The following LRBA variants were observed in gnomAD, a reference collection of about 807,000 sequenced individuals.
LRBA encodes the protein LPS responsive beige-like anchor protein.
In LRBA, 176 loss-of-function variants were observed where a neutral mutation model predicts 330.0. The ratio of observed to expected loss-of-function variants is 0.53; its 90% CI spans 0.47 to 0.60. The LOEUF is 0.60. LRBA is among the 20% of genes least tolerant of loss of function. The pLI is 0.00. For missense variants in LRBA, 3,259 were observed against 3,444.8 expected, an observed-to-expected ratio of 0.95 and a Z score of 1.35; for synonymous variants, 1,230 against 1,193.0, an observed-to-expected ratio of 1.03 and a Z score of -0.64.
intron 37 of LRBA, among the ~76,000 whole-genome samples, chr4:150,650,948 G>A (rs998051504): frequency 2.0e-5 from 3 of 152,250 alleles, no homozygotes; most frequent in African/African-American, 7.2e-5. Flanking sequence ...TCCTCATGAG[G>A]TAAAGTTATG....
intron 2 of LRBA, among the ~76,000 whole-genome samples, chr4:150,935,365 G>A (rs1734984577): frequency 6.6e-6 from 1 of 151,816 alleles, no homozygotes. Context: ...ATATCTAACA[G>A]AAAATACAAG....
chr4:150,443,834 C>T (rs1462624662), intron 44 of LRBA, among the ~76,000 whole-genome samples: 1 of 92,170 alleles, frequency 1.1e-5, no homozygotes, highest in Non-Finnish European at 2.4e-5. Flanking sequence ...TATCCTAGAA[C>T]TTAAAGTATA....
intron 2 of LRBA, among the ~76,000 whole-genome samples, chr4:151,009,803 AC>A: frequency 6.6e-6 from 1 of 151,410 alleles, no homozygotes; most frequent in Non-Finnish European, 1.5e-5. Flanking sequence ...ACACGGTTAA[AC>A]CCTGTCTCTA....
At chr4:150,475,576 T>C in intron 42 of LRBA, among the ~76,000 whole-genome samples, 1 of 152,112 alleles carries the variant, frequency 6.6e-6, no homozygotes, top group East Asian at 1.9e-4. Context: ...AAGTTGTTCA[T>C]GATATTCCTT....
chr4:150,396,636 T>G (rs1744775324), intron 47 of LRBA, among the ~76,000 whole-genome samples: 2 of 152,190 alleles, frequency 1.3e-5, no homozygotes, highest in South Asian at 4.1e-4. Flanking sequence ...TTTCAATCAC[T>G]CTAGAGAATC....
intron 37 of LRBA, among the ~76,000 whole-genome samples, chr4:150,618,891 T>C (rs911350287): frequency 1.3e-5 from 2 of 151,194 alleles, no homozygotes; most frequent in Non-Finnish European, 3.0e-5. Context: ...CACACACATA[T>C]ATATATCCTA....
intron 37 of LRBA, among the ~76,000 whole-genome samples, chr4:150,649,929 A>C (rs1278083096): frequency 2.6e-5 from 4 of 152,170 alleles, no homozygotes; most frequent in Non-Finnish European, 2.9e-5. Flanking sequence ...CTCCAAGAAT[A>C]AAAAATATTT....
chr4:150,922,307 C>T (rs1270434301), intron 4 of LRBA, among the ~76,000 whole-genome samples: 1 of 151,486 alleles, frequency 6.6e-6, no homozygotes, highest in Non-Finnish European at 1.5e-5. Context: ...CTTGCACATG[C>T]ATGTTTATAG....
intron 50 of LRBA, among the ~76,000 whole-genome samples, chr4:150,315,866 T>C (rs932021410): frequency 2.0e-5 from 3 of 152,184 alleles, no homozygotes; most frequent in African/African-American, 7.2e-5. Context: ...CCATAAGCTA[T>C]AGCAGATGCT....
At chr4:151,014,121 A>C in intron 2 of LRBA, 1 of 235,850 alleles carries the variant, frequency 4.2e-6, no homozygotes, top group Non-Finnish European at 8.2e-6. Context: ...ATACAAGCCA[A>C]GAAAAAAAAA....
intron 46 of LRBA, among the ~76,000 whole-genome samples, chr4:150,416,048 G>C (rs1429550729): frequency 6.6e-6 from 1 of 152,086 alleles, no homozygotes; most frequent in South Asian, 2.1e-4. Flanking sequence ...ATTTATTACA[G>C]TTTAGCCATG....
intron 36 of LRBA, among the ~76,000 whole-genome samples, chr4:150,733,711 G>T (rs1730810362): frequency 1.3e-5 from 2 of 151,926 alleles, no homozygotes; most frequent in South Asian, 4.2e-4. Context: ...TTTTCTTGCA[G>T]AATTTGGCCC....
At chr4:150,932,728 C>A (rs1734648399) in intron 2 of LRBA, among the ~76,000 whole-genome samples, 1 of 151,896 alleles carries the variant, frequency 6.6e-6, no homozygotes. Context: ...TGAGCCAAGG[C>A]AACATAGCAA....
At chr4:150,639,811 GTGTGTGTGTATA>G (rs1187166498) in intron 37 of LRBA, among the ~76,000 whole-genome samples, 268 of 13,818 alleles carry the variant, frequency 0.019, 45 homozygotes, top group African/African-American at 0.085. Context: ...ATATATGTGT[GTGTGTGTGTATA>G]TATATATATA....
chr4:150,734,233 A>G (rs1454448951), intron 36 of LRBA, among the ~76,000 whole-genome samples: 1 of 151,452 alleles, frequency 6.6e-6, no homozygotes, highest in East Asian at 1.9e-4. Flanking sequence ...TTCTATTTTT[A>G]ATTTGTTGAT....
chr4:150,941,847 A>C (rs115648407), intron 2 of LRBA, among the ~76,000 whole-genome samples: 3,379 of 151,430 alleles, frequency 0.022, 111 homozygotes, highest in African/African-American at 0.078. Context: ...AAATCAAGCC[A>C]TTGCACTCCA....
intron 40 of LRBA, chr4:150,581,459 TC>T (rs201870208): frequency 0.015 from 4,847 of 319,744 alleles, 60 homozygotes; most frequent in Middle Eastern, 0.038. Context: ...TTTCCCAGAT[TC>T]CCCTTTCGCT....
Position 150,831,200 on chromosome 4 carries a change from C to CTT in LRBA, c.4729+615_4729+616dup, listed in dbSNP as rs77038090. 1.7e-3 allele frequency among the ~76,000 whole-genome samples: 230 copies of CTT among 138,388 alleles called. 1 individual carries two copies. Among genetic ancestry groups the CTT allele is most frequent in the African/African-American group, 5.7e-3 (218 of 38,392 alleles). The allele number at this position is 138,388 out of a possible 152,430, so 90.8% of individuals were successfully genotyped here. On this transcript the variant is annotated intron_variant, in intron 29 of 56. Transcript: ENST00000651943. ...ATATTTTTACCATCTTTATTACTTTCTTTTTTTTTTTTTTTAGCACTTTCA... is the reference window on the plus strand; with the variant it reads ...ATATTTTTACCATCTTTATTACTTTCTTTTTTTTTTTTTTTTTAGCACTTTCA...
At chr4:150,845,032 C>G (rs1199914774) in intron 26 of LRBA, among the ~76,000 whole-genome samples, 1 of 152,042 alleles carries the variant, frequency 6.6e-6, no homozygotes, top group Non-Finnish European at 1.5e-5. Flanking sequence ...TTAGGGTTTG[C>G]TGAAAGGAAA....
Sources: allele counts gnomAD v4.1 joint callset (sites outside exome capture counted in the v4.1 genomes callset), GRCh38; gene constraint gnomAD v4.1.1; transcripts MANE v1.5; gene names NCBI Gene and HGNC (gene_info 2026-07-23, HGNC 2026-07-21).